SLC10A7: variants seen among roughly 807,000 people sequenced by gnomAD.
The protein encoded by SLC10A7 is sodium/bile acid cotransporter 7.
SLC10A7 carries 29 observed loss-of-function variants against 43.2 expected under a neutral mutation model. The ratio of observed to expected loss-of-function variants is 0.67; its 90% confidence interval spans 0.50 to 0.92. The LOEUF (loss-of-function observed/expected upper bound fraction) is 0.92. Among genes scored for constraint, SLC10A7 ranks in the 40% least tolerant of loss-of-function variants. The pLI, the probability that SLC10A7 is intolerant of heterozygous loss-of-function variation, is 0.00. For missense variants in SLC10A7, 295 were observed against 403.2 expected, an observed-to-expected ratio of 0.73 and a Z score of 2.30; for synonymous variants, 152 against 144.8, an observed-to-expected ratio of 1.05 and a Z score of -0.35.
intron 11 of SLC10A7, among the ~76,000 whole-genome samples, chr4:146,257,719 A>G (rs1166194212): frequency 6.6e-6 from 1 of 151,982 alleles, no homozygotes; most frequent in African/African-American, 2.4e-5. Context: ...ATCATTAGTC[A>G]GCAGAAACTG....
At position 146,378,650 on chromosome 4, in the gene SLC10A7, A is replaced by T. The variant is rs138000388; in HGVS notation, c.436-52654T>A. 4.2e-3 allele frequency among the ~76,000 whole-genome samples: 635 copies of T among 152,368 alleles called. 3 individuals carry two copies. Among genetic ancestry groups the T allele is most frequent in the African/African-American group, 0.014 (572 of 41,588 alleles). On this transcript the variant is annotated intron_variant, in intron 5 of 11. Transcript: ENST00000335472. Reference sequence around the variant, plus strand: ...TATTTTCTAGTCTAAAGATTTCTAGAAAATGAGAATAAAATAAATGAGGCT... The same window carrying T: ...TATTTTCTAGTCTAAAGATTTCTAGTAAATGAGAATAAAATAAATGAGGCT...
intron 5 of SLC10A7, among the ~76,000 whole-genome samples, chr4:146,377,203 A>G (rs1309847432): frequency 6.6e-6 from 1 of 152,152 alleles, no homozygotes; most frequent in East Asian, 1.9e-4. Context: ...CGGGGAGGAA[A>G]GTCTTTGAAG....
chr4:146,398,997 T>C (rs2149813997), intron 5 of SLC10A7, among the ~76,000 whole-genome samples: 1 of 152,310 alleles, frequency 6.6e-6, no homozygotes, highest in East Asian at 1.9e-4. Flanking sequence ...ATTAACAAGA[T>C]TAACTTTTAA....
At chr4:146,266,799 C>T (rs1043696197) in intron 10 of SLC10A7, among the ~76,000 whole-genome samples, 11 of 152,164 alleles carry the variant, frequency 7.2e-5, no homozygotes, top group Non-Finnish European at 1.5e-4. Context: ...ATGTCCACCA[C>T]CATTTACCAC....
intron 5 of SLC10A7, 49 bp from the exon 6 acceptor site, chr4:146,326,045 G>A (rs1733081708): frequency 1.3e-6 from 2 of 1,564,024 alleles, no homozygotes; most frequent in Non-Finnish European, 1.7e-6. Flanking sequence ...TGGAAAGCAG[G>A]ACACTTTCTT....
chr4:146,302,640 C>T (rs1211551349), intron 7 of SLC10A7, among the ~76,000 whole-genome samples: 2 of 152,064 alleles, frequency 1.3e-5, no homozygotes, highest in African/African-American at 2.4e-5. Flanking sequence ...GGCAGAAAGA[C>T]ACTCTAAACA....
intron 9 of SLC10A7, among the ~76,000 whole-genome samples, chr4:146,289,804 C>T (rs931585062): frequency 1.4e-5 from 2 of 144,492 alleles, no homozygotes; most frequent in Admixed American, 7.1e-5. Flanking sequence ...CAACCTCCGT[C>T]TCCCGGGTTC....
At chr4:146,508,134 T>C (rs1392760308) in intron 3 of SLC10A7, among the ~76,000 whole-genome samples, 1 of 152,222 alleles carries the variant, frequency 6.6e-6, no homozygotes, top group Non-Finnish European at 1.5e-5. Context: ...TCTTTGTATC[T>C]CATTAATGCC....
chr4:146,442,684 TAACC>T, intron 5 of SLC10A7, 95 bp downstream of exon 5: 12 of 1,541,692 alleles, frequency 7.8e-6, no homozygotes, highest in Non-Finnish European at 1.0e-5. Context: ...TTTTTATACT[TAACC>T]AAAGAGTAAA....
In SLC10A7 at chr4:146,306,441, GACTCCTTCAAAACAA is replaced by G. The variant is rs1731577710; in HGVS notation, c.472-447_472-433del. ...TAAATGAAATAGTTTCTAACTTTCT[GACTCCTTCAAAACAA>G]ATATAATGAATCTCAGATCCCGTAG... On this transcript the variant is annotated intron_variant, in intron 6 of 11. Transcript: ENST00000335472. 3.9e-5 allele frequency among the ~76,000 whole-genome samples: 6 copies of G among 152,030 alleles called. No individual in the cohort carries two copies. In the South Asian group the frequency reaches 1.2e-3, roughly 32 times the overall value.
rs527774458 is a variant in SLC10A7 at position 146,507,054 on chromosome 4, C to T, written c.320+2859G>A. Among the ~76,000 whole-genome samples, 4 of 152,296 alleles carry T rather than the reference C, an allele frequency of 2.6e-5. No individual in the cohort carries two copies. In the East Asian group the frequency reaches 7.7e-4, roughly 29 times the overall value. ...TCATTACCACAATCAAACTAATTAACATATACATCTACTCTCTTGGCAATT... is the reference window on the plus strand; with the variant it reads ...TCATTACCACAATCAAACTAATTAATATATACATCTACTCTCTTGGCAATT... On this transcript the variant is annotated intron_variant, in intron 3 of 11. Transcript: ENST00000335472.
In SLC10A7 at chr4:146,443,666, G is replaced by A. The variant is rs530115671; in HGVS notation, c.397-845C>T. The stretch of plus-strand genomic sequence containing the variant: ...AGAGCAGAATTAAATTAATCATTGT[G>A]GACATTAGCAGCCACACTGTAGTAA... On this transcript the variant is annotated intron_variant, in intron 4 of 11. Coordinates refer to ENST00000335472, the MANE Select transcript of SLC10A7 (RefSeq NM_001029998.6). Among the ~76,000 whole-genome samples, 7 of 152,228 alleles carry A rather than the reference G, an allele frequency of 4.6e-5. No individual in the cohort carries two copies. In the South Asian group the frequency reaches 1.5e-3, roughly 32 times the overall value.
intron 10 of SLC10A7, among the ~76,000 whole-genome samples, chr4:146,272,734 G>C (rs778046568): frequency 9.9e-5 from 15 of 152,120 alleles, no homozygotes; most frequent in African/African-American, 2.2e-4. Context: ...TCCTGGGTGA[G>C]AGTCTTCACT....
chr4:146,338,463 A>G (rs1734040773), intron 5 of SLC10A7, among the ~76,000 whole-genome samples: 1 of 151,942 alleles, frequency 6.6e-6, no homozygotes, highest in Non-Finnish European at 1.5e-5. Context: ...CAAGTCATGC[A>G]GTCTGGTTCC....
chr4:146,521,066 C>T (rs1365507100), intron 1 of SLC10A7, among the ~76,000 whole-genome samples: 1 of 152,112 alleles, frequency 6.6e-6, no homozygotes, highest in Non-Finnish European at 1.5e-5. Context: ...AATGAAGTGT[C>T]CTGTAATCAA....
intron 5 of SLC10A7, among the ~76,000 whole-genome samples, chr4:146,413,763 A>G (rs1038589953): frequency 7.9e-5 from 12 of 152,204 alleles, no homozygotes; most frequent in Admixed American, 4.6e-4. Context: ...GTTGTTATTC[A>G]GATTTGAGAG....
chr4:146,291,183 C>T (rs939447292), intron 9 of SLC10A7, among the ~76,000 whole-genome samples: 1 of 152,190 alleles, frequency 6.6e-6, no homozygotes, highest in Non-Finnish European at 1.5e-5. Context: ...GACAAGCAAA[C>T]AAACTGCCAT....
chr4:146,422,669 T>G (rs763668699), intron 5 of SLC10A7, among the ~76,000 whole-genome samples: 1 of 152,134 alleles, frequency 6.6e-6, no homozygotes, highest in Non-Finnish European at 1.5e-5. Context: ...CTCTTTCGGA[T>G]TATTATTTTG....
At chr4:146,425,659 A>G (rs556666878) in intron 5 of SLC10A7, among the ~76,000 whole-genome samples, 3 of 152,320 alleles carry the variant, frequency 2.0e-5, no homozygotes, top group African/African-American at 7.2e-5. Flanking sequence ...ACATGAGTCA[A>G]TGTCAGCAGG....
Sources: allele counts gnomAD v4.1 joint callset (sites outside exome capture counted in the v4.1 genomes callset), GRCh38; gene constraint gnomAD v4.1.1; transcripts MANE v1.5; gene names NCBI Gene and HGNC (gene_info 2026-07-23, HGNC 2026-07-21).